Variants in ADAMTS12 observed in about 807,000 individuals in gnomAD.
The protein encoded by ADAMTS12 is ADAM metallopeptidase with thrombospondin type 1 motif 12.
ADAMTS12 carries 118 observed loss-of-function variants against 167.8 expected under a neutral mutation model. The observed-to-expected ratio is 0.70, with a 90% CI of 0.61 to 0.82. The LOEUF (loss-of-function observed/expected upper bound fraction) is 0.82, where lower values mean the gene tolerates loss of function less well. ADAMTS12 is among the 40% of genes least tolerant of loss of function. The pLI is 0.00. For missense variants in ADAMTS12, 1,916 were observed against 1,998.8 expected (o/e 0.96, Z 0.79); for synonymous variants, 704 against 716.9 (o/e 0.98, Z 0.29).
chr5:33,876,648 A>T (rs1319926272), intron 2 of ADAMTS12, among the ~76,000 whole-genome samples: 1 of 152,206 alleles, frequency 6.6e-6, no homozygotes, highest in Non-Finnish European at 1.5e-5. Flanking sequence ...CATACCTCAT[A>T]CAAAAATTAA....
chr5:33,649,789 C>T, intron 7 of ADAMTS12, 92 bp from the exon 8 acceptor site: 2 of 1,505,312 alleles, frequency 1.3e-6, no homozygotes, highest in Non-Finnish European at 1.8e-6. Flanking sequence ...TAATAACTCA[C>T]AGACAGCCAC....
At chr5:33,665,691 T>A (rs1170920653) in intron 5 of ADAMTS12, among the ~76,000 whole-genome samples, 2 of 152,104 alleles carry the variant, frequency 1.3e-5, no homozygotes, top group African/African-American at 4.8e-5. Context: ...AGGGAAGGCA[T>A]CAGGTTCAAG....
chr5:33,742,441 G>A (rs551478678), intron 3 of ADAMTS12, among the ~76,000 whole-genome samples: 2 of 151,810 alleles, frequency 1.3e-5, no homozygotes, highest in South Asian at 4.2e-4. Flanking sequence ...GGCATCAATT[G>A]AGCTGTGGGA....
chr5:33,535,046 A>T (rs1744313521), intron 22 of ADAMTS12, 54 bp from the exon 23 acceptor site: 2 of 1,525,774 alleles, frequency 1.3e-6, no homozygotes, highest in Non-Finnish European at 1.8e-6. Flanking sequence ...CTCCCAAGGA[A>T]ACACCAGTAG....
At chr5:33,688,612 G>A (rs956757469) in intron 3 of ADAMTS12, among the ~76,000 whole-genome samples, 1 of 152,164 alleles carries the variant, frequency 6.6e-6, no homozygotes, top group African/African-American at 2.4e-5. Flanking sequence ...CATGGATCAC[G>A]CCTTGACGAA....
chr5:33,820,654 T>A (rs1379064685), intron 2 of ADAMTS12, among the ~76,000 whole-genome samples: 1 of 151,966 alleles, frequency 6.6e-6, no homozygotes, highest in African/African-American at 2.4e-5. Context: ...TAAAAAAAAA[T>A]TTGGAAAATA....
intron 11 of ADAMTS12, 100 bp downstream of exon 11, chr5:33,641,710 G>C: frequency 8.4e-7 from 1 of 1,187,776 alleles, no homozygotes; most frequent in Non-Finnish European, 1.1e-6. Context: ...AATTTACCTG[G>C]AGGAGGCTTG....
intron 17 of ADAMTS12, 52 bp downstream of exon 17, chr5:33,595,882 C>T (rs372007627): frequency 2.7e-5 from 44 of 1,607,344 alleles, no homozygotes; most frequent in Non-Finnish European, 3.6e-5. Flanking sequence ...ACTCTTGAGT[C>T]AGACATCACT....
At chr5:33,674,614 A>T (rs6451012) in intron 5 of ADAMTS12, among the ~76,000 whole-genome samples, 1 of 152,096 alleles carries the variant, frequency 6.6e-6, no homozygotes, top group African/African-American at 2.4e-5. Flanking sequence ...CCTAAGCTGG[A>T]ATAAAACCCA....
Position 33,577,255 on chromosome 5 carries a change from T to A in ADAMTS12, c.2866-95A>T, listed in dbSNP as rs544451042. ...AGATCAAAACAGGCCTGATGGAAAC[T>A]AAACTATGCAGCTAAAATTGTCTGC... On this transcript the variant is annotated intron_variant, in intron 18 of 23. Coordinates refer to ENST00000504830, the MANE Select transcript of ADAMTS12 (RefSeq NM_030955.4). 90 of 1,548,080 alleles carry A rather than the reference T, an allele frequency of 5.8e-5. 2 individuals are homozygous for A. The East Asian group carries it at 2.0e-3, about 35-fold the overall frequency.
Position 33,581,974 on chromosome 5 carries a change from G to A in ADAMTS12, c.2866-4814C>T, listed in dbSNP as rs558561220. Among the ~76,000 whole-genome samples, 87 of 152,256 alleles carry A rather than the reference G, an allele frequency of 5.7e-4. No homozygotes were observed. In the South Asian group the frequency reaches 0.018, roughly 31 times the overall value. The stretch of plus-strand genomic sequence containing the variant: ...AACCACCAGAAGCTGGGGGAAAGGC[G>A]TGGAACAATTCATCCTCCCAGCTTT... On this transcript the variant is annotated intron_variant, in intron 18 of 23. Coordinates refer to ENST00000504830, the MANE Select transcript of ADAMTS12 (RefSeq NM_030955.4).
At chr5:33,724,686 G>T (rs1743915773) in intron 3 of ADAMTS12, among the ~76,000 whole-genome samples, 1 of 151,890 alleles carries the variant, frequency 6.6e-6, no homozygotes, top group African/African-American at 2.4e-5. Context: ...TGAGTAGCTG[G>T]GATTACAGGC....
intron 2 of ADAMTS12, among the ~76,000 whole-genome samples, chr5:33,860,756 C>T (rs966114547): frequency 6.6e-6 from 1 of 151,884 alleles, no homozygotes; most frequent in African/African-American, 2.4e-5. Flanking sequence ...TTCATTTTAA[C>T]CTTAATAAAG....
intron 3 of ADAMTS12, among the ~76,000 whole-genome samples, chr5:33,714,025 G>A (rs1214579274): frequency 3.3e-5 from 5 of 152,118 alleles, no homozygotes. Flanking sequence ...ATGTGGGCTT[G>A]TGATACCACT....
intron 3 of ADAMTS12, among the ~76,000 whole-genome samples, chr5:33,741,458 A>G (rs1187353093): frequency 6.6e-6 from 1 of 152,000 alleles, no homozygotes; most frequent in Non-Finnish European, 1.5e-5. Flanking sequence ...ATTTTAATTT[A>G]ATTAGGTCTT....
intron 14 of ADAMTS12, among the ~76,000 whole-genome samples, chr5:33,617,289 C>A (rs1490348136): frequency 1.3e-5 from 2 of 151,360 alleles, no homozygotes; most frequent in African/African-American, 4.9e-5. Flanking sequence ...ACTGGATATG[C>A]ACTACGTTAT....
At chr5:33,877,032 A>T (rs1408187577) in intron 2 of ADAMTS12, among the ~76,000 whole-genome samples, 3 of 152,228 alleles carry the variant, frequency 2.0e-5, no homozygotes, top group Non-Finnish European at 4.4e-5. Context: ...CCAAAGAGAA[A>T]GGGAAACTTA....
intron 1 of ADAMTS12, among the ~76,000 whole-genome samples, chr5:33,884,089 G>A (rs762974402): frequency 2.0e-5 from 3 of 152,136 alleles, no homozygotes; most frequent in Non-Finnish European, 2.9e-5. Context: ...TAGCAATGGT[G>A]CCCTGTATGT....
At chr5:33,704,170 A>T (rs1743103599) in intron 3 of ADAMTS12, among the ~76,000 whole-genome samples, 1 of 152,180 alleles carries the variant, frequency 6.6e-6, no homozygotes, top group South Asian at 2.1e-4. Flanking sequence ...TCTTTAAACC[A>T]AATTTGTTGT....
Sources: allele counts gnomAD v4.1 joint callset (sites outside exome capture counted in the v4.1 genomes callset), GRCh38; gene constraint gnomAD v4.1.1; transcripts MANE v1.5; gene names NCBI Gene and HGNC (gene_info 2026-07-23, HGNC 2026-07-21).